The following TTN variants were observed in gnomAD, a reference collection of about 807,000 sequenced individuals.
TTN encodes connectin.
A neutral mutation model predicts 3,223.0 loss-of-function variants in TTN; 1,525 were observed. The ratio of observed to expected loss-of-function variants is 0.47; its 90% CI spans 0.45 to 0.49. The LOEUF (loss-of-function observed/expected upper bound fraction) is 0.49. Among genes scored for constraint, TTN ranks in the 20% least tolerant of loss-of-function variants. The probability of loss-of-function intolerance (pLI) is 0.00; values close to 1 mark genes in which losing one functional copy is unlikely to be tolerated. For synonymous variants in TTN, 14,094 were observed against 15,161.0 expected, an observed-to-expected ratio of 0.93 and a Z score of 5.17; for missense variants, 40,786 against 43,424.0, an observed-to-expected ratio of 0.94 and a Z score of 5.40.
Position 178,712,597 on chromosome 2 carries a change from A to C in TTN, c.27329-4T>G. On this transcript the variant is annotated splice_region_variant and splice_polypyrimidine_tract_variant and intron_variant, in intron 94 of 362. Coordinates refer to ENST00000589042, the MANE Select transcript of TTN (RefSeq NM_001267550.2). ...CTCTTCACAAATTTGGCTGGGGCTA[A>C]AGTGACCAAATTGAAAATATAAAAT... is the stretch of plus-strand genomic sequence containing the variant. 1.2e-6 allele frequency: 2 copies of C among 1,608,848 alleles called. No individual in the cohort carries two copies. The highest frequency in any genetic ancestry group is 1.7e-6 in the Non-Finnish European group (2 of 1,177,080).
In TTN at chr2:178,547,587, C is replaced by G. The variant is rs886055230; in HGVS notation, c.94039G>C (p.Glu31347Gln). Residue 31347 changes from glutamate to glutamine, a missense_variant, in exon 339 of 363, where the codon GAA becomes CAA. Transcript: ENST00000589042. Reference sequence around the variant, plus strand: ...GCTGTTGTACCCGATTCACGCTTTTCAACTATGTAATTAGTAATTTCAGTG... The same window carrying G: ...GCTGTTGTACCCGATTCACGCTTTTGAACTATGTAATTAGTAATTTCAGTG... ...GGTEITNYIV[E>Q]KRESGTTAWQ... 14 of 1,613,760 alleles carry G rather than the reference C, an allele frequency of 8.7e-6. No homozygotes were observed. In the East Asian group the frequency reaches 3.1e-4, roughly 36 times the overall value.
chr2:178,670,339 A>G, intron 156 of TTN, 44 bp from the exon 157 acceptor site: 1 of 1,204,462 alleles, frequency 8.3e-7, no homozygotes, highest in Non-Finnish European at 1.1e-6. Context: ...TTAAATATAC[A>G]ATTTTTTAAC....
At position 178,630,145 on chromosome 2, in the gene TTN, T is replaced by C; in HGVS notation, c.44281+96A>G. 3 of 1,540,990 alleles carry C rather than the reference T, an allele frequency of 1.9e-6. No individual in the cohort carries two copies. The South Asian group carries it at 3.5e-5, about 18-fold the overall frequency. On this transcript the variant is annotated intron_variant, in intron 239 of 362. Coordinates refer to ENST00000589042, the MANE Select transcript of TTN (RefSeq NM_001267550.2). ...AGCCAGTTTTTGTGTTTTAATAATATTTTCTAACTAATAAAATAGGTCCAA... is the reference window on the plus strand; with the variant it reads ...AGCCAGTTTTTGTGTTTTAATAATACTTTCTAACTAATAAAATAGGTCCAA...
chr2:178,557,231 C>T (rs72648232), intron 329 of TTN, 22 bp downstream of exon 329: 6 of 1,613,598 alleles, frequency 3.7e-6, no homozygotes, highest in South Asian at 1.1e-5. Flanking sequence ...TCAGAACTGC[C>T]CTTCCCATGA....
chr2:178,741,341 C>T lies in TTN; in HGVS notation c.11892G>A (p.Glu3964=). ...PAIFEYTVVG[E]PAPTVTWFKE... Reference sequence around the variant, plus strand: ...TGAACCATGTAACAGTAGGGGCAGGCTCTCCAACCACTGTGTACTCAAAGA... The same window carrying T: ...TGAACCATGTAACAGTAGGGGCAGGTTCTCCAACCACTGTGTACTCAAAGA... Residue 3964 remains glutamate (E), a synonymous_variant, in exon 48 of 363, where the codon GAG becomes GAA. Transcript: ENST00000589042. The T allele has an allele frequency of 6.2e-7, 1 of 1,613,876 alleles. No homozygotes were observed. The highest frequency in any genetic ancestry group is 1.1e-5 in the South Asian group (1 of 91,076).
Position 178,599,568 on chromosome 2 carries a change from C to A in TTN, c.56333G>T (p.Arg18778Ile), listed in dbSNP as rs1178812946. The A allele has an allele frequency of 1.3e-6, 2 of 1,576,070 alleles. No individual in the cohort carries two copies. Among genetic ancestry groups the A allele is most frequent in the South Asian group, 2.4e-5 (2 of 83,826 alleles). The change falls in exon 289 of 363, where the codon AGA (arginine) becomes ATA (isoleucine). Residue 18778 changes from arginine (R) to isoleucine (I), a missense_variant. Transcript: ENST00000589042. ...NNLGTASKEM[R>I]LNVLGRPGPP... ...GCAGTCTTTACCCAGGACATTCAGTCTCATCTCCTTTGATGCTGTTCCCAG... is the reference window on the plus strand; with the variant it reads ...GCAGTCTTTACCCAGGACATTCAGTATCATCTCCTTTGATGCTGTTCCCAG...
rs192182734 is a variant in TTN at position 178,582,095 on chromosome 2, G to A, written c.66274C>T (p.Leu22092Phe). 11 of 1,612,992 alleles carry A rather than the reference G, an allele frequency of 6.8e-6. No homozygotes were observed. In the Admixed American group the frequency reaches 1.3e-4, roughly 20 times the overall value. ...ACAGCCTGGGTTTCCCGCTTTTCAA[G>A]CAAATAGCCAGTGATGGGTGAGCCC... is the stretch of plus-strand genomic sequence containing the variant. ...DGGSPITGYL[L>F]EKRETQAVNW... Residue 22092 changes from leucine (L) to phenylalanine (F), a missense_variant, in exon 315 of 363, where the codon CTT becomes TTT. Leu to Phe is a conservative substitution (Grantham distance 22). Transcript: ENST00000589042.
In TTN at chr2:178,807,311, T is replaced by C. The variant is rs1015558669; in HGVS notation, c.-113A>G. 4 of 152,148 alleles carry C rather than the reference T, an allele frequency of 2.6e-5. No homozygotes were observed. The highest frequency in any genetic ancestry group is 9.7e-5 in the African/African-American group (4 of 41,426). The allele number at this position is 152,148 out of a possible 1,614,324, so 9.4% of individuals were successfully genotyped here. ...TTGGTTTTTCTGACCATCTCCGACA[T>C]GAATCGGTGAGCCTCTAATCCTAAA... is the stretch of plus-strand genomic sequence containing the variant. On this transcript the variant is annotated 5_prime_UTR_variant, in exon 1 of 363. It removes an upstream start codon present in the reference 5' UTR. Transcript: ENST00000589042.
Position 178,563,804 on chromosome 2 carries a change from C to A in TTN, c.82328G>T (p.Arg27443Leu), listed in dbSNP as rs551496477. 8 of 1,613,652 alleles carry A rather than the reference C, an allele frequency of 5.0e-6. No homozygotes were observed. Among genetic ancestry groups the A allele is most frequent in the East Asian group, 4.5e-5 (2 of 44,822 alleles). The change falls in exon 326 of 363, where the codon CGT becomes CTT. Residue 27443 changes from arginine to leucine, a missense_variant. Coordinates refer to ENST00000589042, the MANE Select transcript of TTN (RefSeq NM_001267550.2). This position sits in a 1 kb window ranked among gnomAD's most constrained non-coding sequence, Gnocchi z 4.5. ...KLLPGNEYIF[R>L]VMAVNKYGIG... ...TCCATATTTATTCACAGCCATGACACGGAAAATGTACTCATTACCAGGAAG... is the reference window on the plus strand; with the variant it reads ...TCCATATTTATTCACAGCCATGACAAGGAAAATGTACTCATTACCAGGAAG...
intron 102 of TTN, 33 bp from the exon 103 acceptor site, chr2:178,705,390 C>A: frequency 7.0e-7 from 1 of 1,432,278 alleles, no homozygotes; most frequent in Non-Finnish European, 9.3e-7. Flanking sequence ...GGATAAAACA[C>A]CTGTCTTCTA....
rs1266340994 is a variant in TTN, at chr2:178,615,698, A to G, written c.48403T>C (p.Cys16135Arg). 6.2e-7 allele frequency: 1 copy of G among 1,612,540 alleles called. No individual in the cohort carries two copies. Among genetic ancestry groups the G allele is most frequent in the African/African-American group, 1.3e-5 (1 of 74,924 alleles). Residue 16135 changes from cysteine to arginine, a missense_variant, in exon 258 of 363, where the codon TGT (cysteine) becomes CGT (arginine). Coordinates refer to ENST00000589042, the MANE Select transcript of TTN (RefSeq NM_001267550.2). The part of the protein sequence containing the change: ...YLFKVCARNK[C>R]GPGEPAYVDE... ...ACATATGCAGGTTCTCCAGGGCCAC[A>G]TTTGTTACGAGCACAAACTTTAAAT...
chr2:178,530,354 C>G lies in TTN; in HGVS notation c.106261G>C (p.Val35421Leu). The change falls in exon 358 of 363, where the codon GTA becomes CTA. Residue 35421 changes from valine (V) to leucine (L), a missense_variant. Val to Leu is a conservative substitution (Grantham distance 32). Coordinates refer to ENST00000589042, the MANE Select transcript of TTN (RefSeq NM_001267550.2). ...KAPEPISSKP[V>L]IVTGLQDTTV... is the part of the protein sequence containing the mutation. ...GTATCCTGCAACCCAGTAACAATTA[C>G]TGGTTTTGAGGAAATTGGTTCAGGA... The G allele has an allele frequency of 6.2e-7, 1 of 1,613,968 alleles. No individual in the cohort carries two copies. Among genetic ancestry groups the G allele is most frequent in the South Asian group, 1.1e-5 (1 of 91,082 alleles).
chr2:178,664,728 G>A lies in TTN; in HGVS notation c.36128C>T (p.Ala12043Val). 6.2e-7 allele frequency: 1 copy of A among 1,612,348 alleles called. No homozygotes were observed. Among genetic ancestry groups the A allele is most frequent in the African/African-American group, 1.3e-5 (1 of 75,012 alleles). The change falls in exon 167 of 363, where the codon GCT (alanine) becomes GTT (valine). Residue 12043 changes from alanine (A) to valine (V), a missense_variant. Physicochemically the swap from Ala to Val is moderately conservative, Grantham distance 64. Transcript: ENST00000589042. ...CTTTTCAGGGACAATTTCTTGGAGA[G>A]CTTCAGGCACTTTAAGAAATTAGTA... Reference protein sequence around the residue: ...REPPSVKVPEALQEIVPEKKT... With the variant: ...REPPSVKVPEVLQEIVPEKKT...
rs769254613 is a variant in TTN, at chr2:178,581,819, T to C, written c.66464-15A>G. ...GCCAGGAGGATCTGAGAATAAATAA[T>C]GATAGGAAATTTTCATGAAAACTTC... On this transcript the variant is annotated splice_polypyrimidine_tract_variant and intron_variant, in intron 315 of 362. Coordinates refer to ENST00000589042, the MANE Select transcript of TTN (RefSeq NM_001267550.2). 4.4e-6 allele frequency: 7 copies of C among 1,594,156 alleles called. No homozygotes were observed. The highest frequency in any genetic ancestry group is 1.7e-4 in the Middle Eastern group (1 of 5,988).
Position 178,608,693 on chromosome 2 carries a change from C to T in TTN, c.52318G>A (p.Glu17440Lys). Residue 17440 changes from glutamate to lysine, a missense_variant, in exon 274 of 363, where the codon GAG becomes AAG. Coordinates refer to ENST00000589042, the MANE Select transcript of TTN (RefSeq NM_001267550.2). ...TCAGCTCTTACACGGAAGAGGTACT[C>T]TTTTCCTTCAATCAGTTTTGTTACT... ...YSVTKLIEGK[E>K]YLFRVRAENR... 1 of 1,612,364 alleles carries T rather than the reference C, an allele frequency of 6.2e-7. No individual in the cohort carries two copies. The highest frequency in any genetic ancestry group is 1.1e-5 in the South Asian group (1 of 91,014).
rs371498697 is a variant in TTN at position 178,564,882 on chromosome 2, T to A, written c.81250A>T (p.Ile27084Phe). 1.2e-6 allele frequency: 2 copies of A among 1,612,372 alleles called. No homozygotes were observed. Among genetic ancestry groups the A allele is most frequent in the African/African-American group, 2.7e-5 (2 of 74,814 alleles). Residue 27084 changes from isoleucine to phenylalanine, a missense_variant, in exon 326 of 363, where the codon ATC becomes TTC. Ile to Phe is a conservative substitution (Grantham distance 21, BLOSUM62 0). Transcript: ENST00000589042. ...GPPGTPFVTS[I>F]SKDQMLVQWH... ...TGCACAAGCATCTGATCTTTTGAGATTGATGTCACAAAAGGAGTTCCAGGT... is the reference window on the plus strand; with the variant it reads ...TGCACAAGCATCTGATCTTTTGAGAATGATGTCACAAAAGGAGTTCCAGGT...
Position 178,534,700 on chromosome 2 carries a change from A to G in TTN, c.101915T>C (p.Phe33972Ser). The change falls in exon 358 of 363, where the codon TTC becomes TCC. Residue 33972 changes from phenylalanine (F) to serine (S), a missense_variant. Coordinates refer to ENST00000589042, the MANE Select transcript of TTN (RefSeq NM_001267550.2). The part of the protein sequence containing the change: ...QARQLKPGDN[F>S]RLLFTAPEYY... ...TTCTGGGGCAGTGAATAGAAGCCTG[A>G]AGTTGTCCCCTGGTTTCAGCTGACG... The G allele has an allele frequency of 6.2e-7, 1 of 1,613,802 alleles. No homozygotes were observed. The highest frequency in any genetic ancestry group is 1.1e-5 in the South Asian group (1 of 91,080).
chr2:178,536,921 A>AT lies in TTN; in HGVS notation c.100171+16_100171+17insA, dbSNP rs2154137874. ...GAACTTTACCATAGGAAGATACAGA[A>AT]ATCAAGTTGTACTCACCAAATGGAC... On this transcript the variant is annotated intron_variant, in intron 356 of 362. Coordinates refer to ENST00000589042, the MANE Select transcript of TTN (RefSeq NM_001267550.2). 2 of 1,556,786 alleles carry AT rather than the reference A, an allele frequency of 1.3e-6. No individual in the cohort carries two copies.
chr2:178,757,698 T>G lies in TTN; in HGVS notation c.10522A>C (p.Thr3508Pro). ...TCAAAATGGAAAACTACATCTTTTG[T>G]TGGTAGAATTAGCTGCTGGTTATGA... ...WFHNQQLILP[T>P]KDVVFHFEES... The change falls in exon 45 of 363, where the codon ACA becomes CCA. Residue 3508 changes from threonine (T) to proline (P), a missense_variant. Physicochemically the swap from Thr to Pro is conservative, Grantham distance 38. Transcript: ENST00000589042. 1.2e-6 allele frequency: 2 copies of G among 1,613,842 alleles called. No homozygotes were observed. Among genetic ancestry groups the G allele is most frequent in the Non-Finnish European group, 1.7e-6 (2 of 1,179,810 alleles).
Sources: allele counts gnomAD v4.1 joint callset, GRCh38; gene constraint gnomAD v4.1.1; non-coding constraint Gnocchi (gnomAD v3.1); transcripts MANE v1.5; gene names NCBI Gene and HGNC (gene_info 2026-07-23, HGNC 2026-07-21).